Variants in NUBPL observed in about 807,000 individuals in gnomAD.
NUBPL encodes the protein NUBP iron-sulfur cluster assembly factor, mitochondrial.
Under a neutral mutation model 45.7 loss-of-function variants are expected in NUBPL, and 31 were observed. That is an observed-to-expected ratio of 0.68 (90% CI 0.51 to 0.92). NUBPL has a LOEUF of 0.92. Among genes scored for constraint, NUBPL ranks in the 40% least tolerant of loss-of-function variants. NUBPL has a pLI of 0.00. For missense variants in NUBPL, 401 were observed against 398.7 expected (o/e 1.01, Z -0.05); for synonymous variants, 144 against 140.9 (o/e 1.02, Z -0.15).
At chr14:31,594,201 T>G (rs1419692696) in intron 3 of NUBPL, among the ~76,000 whole-genome samples, 1 of 152,152 alleles carries the variant, frequency 6.6e-6, no homozygotes, top group African/African-American at 2.4e-5. Flanking sequence ...GAGGATCACT[T>G]GAGCCCCAGA....
At chr14:31,664,918 T>G (rs888724827) in intron 4 of NUBPL, among the ~76,000 whole-genome samples, 3 of 152,186 alleles carry the variant, frequency 2.0e-5, no homozygotes, top group Non-Finnish European at 2.9e-5. Context: ...TCAGAACTTG[T>G]TATTGGTCTA....
At position 31,666,501 on chromosome 14, in the gene NUBPL, G is replaced by C. The variant is rs1327873839; in HGVS notation, c.383-6854G>C. Among the ~76,000 whole-genome samples, 5 of 151,962 alleles carry C rather than the reference G, an allele frequency of 3.3e-5. No individual in the cohort carries two copies. In the East Asian group the frequency reaches 9.7e-4, roughly 30 times the overall value. On this transcript the variant is annotated intron_variant, in intron 4 of 10. Coordinates refer to ENST00000281081, the MANE Select transcript of NUBPL (RefSeq NM_025152.3). The stretch of plus-strand genomic sequence containing the variant: ...GCTGGTCTCAAACTCATGACCTTGT[G>C]ATCTGCTCGCCTCGGCCTCCCAAAG...
At chr14:31,797,477 A>T (rs1385721320) in intron 7 of NUBPL, among the ~76,000 whole-genome samples, 3 of 44,922 alleles carry the variant, frequency 6.7e-5, no homozygotes, top group Admixed American at 4.9e-4. Flanking sequence ...TGATCCCTTT[A>T]CCATTACGTA....
chr14:31,620,135 T>C (rs1017971213), intron 4 of NUBPL, among the ~76,000 whole-genome samples: 8 of 152,016 alleles, frequency 5.3e-5, no homozygotes, highest in African/African-American at 1.7e-4. Context: ...AGCTCCATCA[T>C]GTCATTTATG....
intron 4 of NUBPL, among the ~76,000 whole-genome samples, chr14:31,649,393 G>C (rs1484737052): frequency 6.6e-6 from 1 of 152,116 alleles, no homozygotes; most frequent in East Asian, 1.9e-4. Flanking sequence ...TAATTTCACT[G>C]GTTTATAATT....
At chr14:31,611,089 A>G (rs946972989) in intron 4 of NUBPL, among the ~76,000 whole-genome samples, 1 of 152,204 alleles carries the variant, frequency 6.6e-6, no homozygotes, top group East Asian at 1.9e-4. Flanking sequence ...GAGCAATCAG[A>G]CAAGAGAATG....
chr14:31,596,944 G>A (rs943173927), intron 3 of NUBPL, among the ~76,000 whole-genome samples: 1 of 152,116 alleles, frequency 6.6e-6, no homozygotes, highest in Non-Finnish European at 1.5e-5. Flanking sequence ...TTGGTGTCTG[G>A]GTAATTTAAG....
At chr14:31,644,703 GA>G (rs150950391) in intron 4 of NUBPL, among the ~76,000 whole-genome samples, 7,157 of 152,102 alleles carry the variant, frequency 0.047, 210 homozygotes, top group Admixed American at 0.066. Context: ...TGATGTTTGT[GA>G]ATTTTTTGTC....
intron 10 of NUBPL, among the ~76,000 whole-genome samples, chr14:31,857,555 C>T (rs2139023804): frequency 6.6e-6 from 1 of 152,310 alleles, no homozygotes; most frequent in African/African-American, 2.4e-5. Context: ...TGCTCTGCTT[C>T]CCTTATAAAA....
intron 4 of NUBPL, among the ~76,000 whole-genome samples, chr14:31,614,030 ATT>A (rs1299099349): frequency 6.6e-6 from 1 of 152,068 alleles, no homozygotes; most frequent in Admixed American, 6.5e-5. Context: ...AAAATATAAA[ATT>A]TGGTAGTATC....
At chr14:31,760,144 T>TGTGTGTGTGTGTGTGTGAGAGAGA in intron 6 of NUBPL, among the ~76,000 whole-genome samples, 7 of 34,842 alleles carry the variant, frequency 2.0e-4, no homozygotes, top group African/African-American at 5.4e-4. Context: ...TGTGTGTGTG[T>TGTGTGTGTGTGTGTGTGAGAGAGA]GAGAGAGAGA....
At chr14:31,782,097 C>A (rs2138799789) in intron 6 of NUBPL, among the ~76,000 whole-genome samples, 1 of 151,932 alleles carries the variant, frequency 6.6e-6, no homozygotes, top group South Asian at 2.1e-4. Flanking sequence ...ATAATTTTTT[C>A]TTATTAAAAA....
At chr14:31,856,983 G>A (rs984379484) in intron 10 of NUBPL, among the ~76,000 whole-genome samples, 1 of 152,220 alleles carries the variant, frequency 6.6e-6, no homozygotes, top group African/African-American at 2.4e-5. Context: ...TCATGCCCCA[G>A]TAGGGACTCT....
chr14:31,768,511 C>T (rs1473217065), intron 6 of NUBPL, among the ~76,000 whole-genome samples: 1 of 152,100 alleles, frequency 6.6e-6, no homozygotes, highest in East Asian at 1.9e-4. Flanking sequence ...AGAAGAAAAC[C>T]TCTGGTGCTT....
chr14:31,806,477 G>GT (rs984432362), intron 7 of NUBPL, among the ~76,000 whole-genome samples: 5 of 152,102 alleles, frequency 3.3e-5, no homozygotes, highest in Admixed American at 2.6e-4. Context: ...AACCAAAATA[G>GT]TTTTTTCAGT....
intron 8 of NUBPL, among the ~76,000 whole-genome samples, chr14:31,843,399 G>T (rs1384773498): frequency 6.6e-6 from 1 of 152,182 alleles, no homozygotes; most frequent in Non-Finnish European, 1.5e-5. Context: ...CCCAGGATTT[G>T]TGTTTGTCTA....
At chr14:31,697,345 A>G (rs2037235878) in intron 6 of NUBPL, among the ~76,000 whole-genome samples, 1 of 152,252 alleles carries the variant, frequency 6.6e-6, no homozygotes, top group Non-Finnish European at 1.5e-5. Flanking sequence ...AAGGGGAATG[A>G]AAGATATCAG....
intron 7 of NUBPL, among the ~76,000 whole-genome samples, chr14:31,817,834 G>C (rs746117949): frequency 6.6e-6 from 1 of 152,036 alleles, no homozygotes; most frequent in Admixed American, 6.6e-5. Context: ...TGTAAGTGGG[G>C]TAAATGCCCC....
chr14:31,824,590 G>C (rs1305968005), intron 7 of NUBPL, among the ~76,000 whole-genome samples: 1 of 152,138 alleles, frequency 6.6e-6, no homozygotes, highest in Non-Finnish European at 1.5e-5. Context: ...TGAATTTACA[G>C]CTAACTACTA....
Sources: gnomAD v4.1 joint callset for allele counts (sites outside exome capture counted in the v4.1 genomes callset) on GRCh38, gnomAD v4.1.1 for gene constraint, MANE v1.5 for transcripts, NCBI Gene and HGNC (gene_info 2026-07-23, HGNC 2026-07-21) for gene names.